ZC3HC1: variants seen among roughly 807,000 people sequenced by gnomAD.
ZC3HC1 encodes zinc finger C3HC-type containing 1.
In ZC3HC1, 38 loss-of-function variants were observed where a neutral mutation model predicts 61.9. The ratio of observed to expected loss-of-function variants is 0.61; its 90% CI spans 0.47 to 0.81. The LOEUF (loss-of-function observed/expected upper bound fraction) is 0.81. ZC3HC1 is among the 30% of genes least tolerant of loss of function. The pLI is 0.00. For synonymous variants in ZC3HC1, 213 were observed against 229.9 expected, an observed-to-expected ratio of 0.93 and a Z score of 0.67; for missense variants, 554 against 622.7, an observed-to-expected ratio of 0.89 and a Z score of 1.17.
intron 6 of ZC3HC1, 73 bp from the exon 7 acceptor site, chr7:130,024,579 G>C: frequency 6.6e-7 from 1 of 1,506,354 alleles, no homozygotes; most frequent in South Asian, 1.3e-5. Context: ...TGTCTTGTGA[G>C]TATGCCTTAT....
chr7:130,044,265 C>T (rs1398840224), intron 2 of ZC3HC1, among the ~76,000 whole-genome samples: 1 of 152,134 alleles, frequency 6.6e-6, no homozygotes, highest in Non-Finnish European at 1.5e-5. Flanking sequence ...GGCAATTCTC[C>T]CACCTGGGCC....
At chr7:130,047,088 G>A (rs569612635) in intron 2 of ZC3HC1, among the ~76,000 whole-genome samples, 7 of 152,192 alleles carry the variant, frequency 4.6e-5, no homozygotes, top group South Asian at 4.2e-4. Flanking sequence ...TCAGCCTCCC[G>A]AGTCACTGGG....
intron 2 of ZC3HC1, among the ~76,000 whole-genome samples, chr7:130,046,903 C>T (rs964228442): frequency 1.3e-5 from 2 of 151,412 alleles, no homozygotes; most frequent in Non-Finnish European, 2.9e-5. Context: ...TTTCTCCTGC[C>T]TCAGCCTCCT....
intron 4 of ZC3HC1, among the ~76,000 whole-genome samples, chr7:130,035,580 A>T (rs1192383577): frequency 6.6e-6 from 1 of 151,888 alleles, no homozygotes; most frequent in African/African-American, 2.4e-5. Context: ...TGCAGTGTTC[A>T]AGCGATTCTC....
rs111941957 is a variant in ZC3HC1 at position 130,018,516 on chromosome 7, A to C, written c.*148T>G. On this transcript the variant is annotated 3_prime_UTR_variant, in exon 10 of 10. Transcript: ENST00000358303. Reference sequence around the variant, plus strand: ...TCTCAGCCAGATGCAGATAGTTGACACTCACTGCCTTTGCTATGGCAGGGG... The same window carrying C: ...TCTCAGCCAGATGCAGATAGTTGACCCTCACTGCCTTTGCTATGGCAGGGG... 2.2e-3 allele frequency: 1,393 copies of C among 646,936 alleles called. 12 individuals carry two copies. The African/African-American group carries it at 0.022, about 10-fold the overall frequency. The allele number at this position is 646,936 out of a possible 1,614,324, so 40.1% of individuals were successfully genotyped here.
intron 4 of ZC3HC1, among the ~76,000 whole-genome samples, chr7:130,037,166 C>T (rs1431510804): frequency 2.6e-5 from 4 of 152,166 alleles, no homozygotes; most frequent in Non-Finnish European, 5.9e-5. Context: ...GACGGCCAGG[C>T]GCGGGGGCTC....
rs375636766 is a variant in ZC3HC1, at chr7:130,039,704, G to A, written c.410-157C>T. 1.9e-5 allele frequency: 10 copies of A among 533,828 alleles called. No homozygotes were observed. The East Asian group carries it at 2.8e-4, about 15-fold the overall frequency. The allele number at this position is 533,828 out of a possible 1,614,324, so 33.1% of individuals were successfully genotyped here. On this transcript the variant is annotated intron_variant, in intron 3 of 9. Coordinates refer to ENST00000358303, the MANE Select transcript of ZC3HC1 (RefSeq NM_016478.5). ...AATCTTAATATTTTTCACAAAACAG[G>A]TTTTAAATTGAGATCCTAAGATCAA...
rs1444637220 is a variant in ZC3HC1, at chr7:130,024,442, G to A, written c.841C>T (p.Leu281Phe). The A allele has an allele frequency of 6.2e-7, 1 of 1,614,116 alleles. No individual in the cohort carries two copies. The highest frequency in any genetic ancestry group is 1.7e-5 in the Admixed American group (1 of 60,002). Residue 281 changes from leucine to phenylalanine, a missense_variant, in exon 7 of 10, where the codon CTC becomes TTC. By Grantham distance (22) the Leu-to-Phe change is conservative. Coordinates refer to ENST00000358303, the MANE Select transcript of ZC3HC1 (RefSeq NM_016478.5). ...GATTCAATCTGCTGGAAGCCCCAGAGCCCCACCTTCCTCATACATTGCGAA... is the reference window on the plus strand; with the variant it reads ...GATTCAATCTGCTGGAAGCCCCAGAACCCCACCTTCCTCATACATTGCGAA... ...TCSQCMRKVG[L>F]WGFQQIESSM...
At chr7:130,040,866 A>C in intron 3 of ZC3HC1, 85 bp downstream of exon 3, 1 of 1,408,648 alleles carries the variant, frequency 7.1e-7, no homozygotes, top group East Asian at 2.4e-5. Flanking sequence ...TGATCAAACT[A>C]AAATGACCTT....
At chr7:130,042,246 T>C (rs1025182589) in intron 2 of ZC3HC1, among the ~76,000 whole-genome samples, 2 of 142,610 alleles carry the variant, frequency 1.4e-5, no homozygotes, top group African/African-American at 5.3e-5. Flanking sequence ...AAGGCCACAG[T>C]AAGATACGAT....
At chr7:130,019,115 G>T (rs941997212) in intron 9 of ZC3HC1, among the ~76,000 whole-genome samples, 3 of 149,304 alleles carry the variant, frequency 2.0e-5, no homozygotes, top group African/African-American at 7.4e-5. Flanking sequence ...GTGCAGTGGC[G>T]CAATCTCGGC....
chr7:130,039,433 A>G (rs766190222), intron 4 of ZC3HC1, 31 bp downstream of exon 4: 1 of 1,560,814 alleles, frequency 6.4e-7, no homozygotes, highest in South Asian at 1.2e-5. Context: ...TGAAGGAAAA[A>G]TGGTGAACAG....
Position 130,023,826 on chromosome 7 carries a change from G to A in ZC3HC1, c.1021-103C>T. On this transcript the variant is annotated intron_variant, in intron 7 of 9. Transcript: ENST00000358303. The surrounding 1 kb of genome is among the most constrained non-coding windows in gnomAD (Gnocchi z 4.2). Reference sequence around the variant, plus strand: ...TTTTTCTTTTTTTTTTTGAGACAGAGTCTCGCTTTGTTGCCAAGGCTGGAG... The same window carrying A: ...TTTTTCTTTTTTTTTTTGAGACAGAATCTCGCTTTGTTGCCAAGGCTGGAG... 9.3e-7 allele frequency: 1 copy of A among 1,076,748 alleles called. No homozygotes were observed. Among genetic ancestry groups the A allele is most frequent in the East Asian group, 2.6e-5 (1 of 38,416 alleles). 66.7% of individuals were successfully genotyped at this position (1,076,748 alleles called of 1,614,324 possible).
chr7:130,025,040 G>A (rs1224928699), intron 6 of ZC3HC1, among the ~76,000 whole-genome samples: 1 of 150,416 alleles, frequency 6.6e-6, no homozygotes, highest in Non-Finnish European at 1.5e-5. Flanking sequence ...TGAGTAGCTG[G>A]GATTACAGGC....
rs1793787291 is a variant in ZC3HC1 at position 130,024,336 on chromosome 7, G to A, written c.947C>T (p.Pro316Leu). 1 of 1,614,024 alleles carries A rather than the reference G, an allele frequency of 6.2e-7. No individual in the cohort carries two copies. Among genetic ancestry groups the A allele is most frequent in the Admixed American group, 1.7e-5 (1 of 59,976 alleles). Residue 316 changes from proline to leucine, a missense_variant, in exon 7 of 10, where the codon CCT (proline) becomes CTT (leucine). Coordinates refer to ENST00000358303, the MANE Select transcript of ZC3HC1 (RefSeq NM_016478.5). Reference sequence around the variant, plus strand: ...CCTCCGAGGAGATTCAGGCACCAGAGGTAAGCGCTCTGGTCGCCCCTCAAG... The same window carrying A: ...CCTCCGAGGAGATTCAGGCACCAGAAGTAAGCGCTCTGGTCGCCCCTCAAG... ...PGLEGRPERLPLVPESPRRMM... is the reference protein window; with the variant it reads ...PGLEGRPERLLLVPESPRRMM...
chr7:130,032,638 G>A (rs1794248274), intron 4 of ZC3HC1, among the ~76,000 whole-genome samples: 1 of 142,114 alleles, frequency 7.0e-6, no homozygotes, highest in African/African-American at 2.6e-5. Flanking sequence ...AGAGAGAGAG[G>A]AGAGAGAAAC....
intron 2 of ZC3HC1, among the ~76,000 whole-genome samples, chr7:130,044,609 CAAAT>C (rs1794798155): frequency 6.6e-6 from 1 of 152,094 alleles, no homozygotes; most frequent in African/African-American, 2.4e-5. Flanking sequence ...CATGTTACTA[CAAAT>C]AAATCAATTA....
chr7:130,029,033 T>C lies in ZC3HC1; in HGVS notation c.494-4A>G. 2 of 1,611,078 alleles carry C rather than the reference T, an allele frequency of 1.2e-6. No homozygotes were observed. ...AGGGGCAACATCCCAAATCGGTCTG[T>C]GGAAAAAGTAAATTGGAAGATTATA... On this transcript the variant is annotated splice_polypyrimidine_tract_variant and splice_region_variant and intron_variant, in intron 4 of 9. Transcript: ENST00000358303.
chr7:130,050,156 C>T (rs900887805), intron 1 of ZC3HC1, among the ~76,000 whole-genome samples: 7 of 152,082 alleles, frequency 4.6e-5, no homozygotes, highest in African/African-American at 9.7e-5. Context: ...CGGCTCACTG[C>T]AACCTCCGCC....
Sources: allele counts gnomAD v4.1 joint callset (sites outside exome capture counted in the v4.1 genomes callset), GRCh38; gene constraint gnomAD v4.1.1; non-coding constraint Gnocchi (gnomAD v3.1); transcripts MANE v1.5; gene names NCBI Gene and HGNC (gene_info 2026-07-23, HGNC 2026-07-21).